The following RBFOX1 variants were observed in gnomAD, a reference collection of about 807,000 sequenced individuals.
RBFOX1 encodes the protein RNA binding fox-1 homolog 1.
RBFOX1 carries 8 observed loss-of-function variants against 57.7 expected under a neutral mutation model. The observed-to-expected ratio is 0.14, with a 90% CI of 0.08 to 0.25. RBFOX1 has a LOEUF of 0.25. Among genes scored for constraint, RBFOX1 ranks in the 10% least tolerant of loss-of-function variants. The pLI is 1.00. For missense variants in RBFOX1, 611 were observed against 548.5 expected, an observed-to-expected ratio of 1.11 and a Z score of -1.14; for synonymous variants, 326 against 222.4, an observed-to-expected ratio of 1.47 and a Z score of -4.15.
intron 3 of RBFOX1, among the ~76,000 whole-genome samples, chr16:7,027,163 A>T (rs2041219471): frequency 6.6e-6 from 1 of 152,194 alleles, no homozygotes; most frequent in Non-Finnish European, 1.5e-5. Flanking sequence ...TCCTTACGAG[A>T]CTGAGTGTTT....
chr16:5,814,532 C>G (rs955870908), intron 3 of RBFOX1, among the ~76,000 whole-genome samples: 1 of 152,218 alleles, frequency 6.6e-6, no homozygotes, highest in African/African-American at 2.4e-5. Flanking sequence ...TGAGGAAATT[C>G]AGGCTCAGAG....
chr16:5,448,390 T>C (rs2068318794), intron 1 of RBFOX1, among the ~76,000 whole-genome samples: 1 of 152,204 alleles, frequency 6.6e-6, no homozygotes. Context: ...TGGGACATTA[T>C]GCCACAAAAT....
intron 5 of RBFOX1, among the ~76,000 whole-genome samples, chr16:7,554,052 C>T (rs774600430): frequency 1.3e-5 from 2 of 152,034 alleles, no homozygotes; most frequent in African/African-American, 2.4e-5. Context: ...GAGGCTGCAG[C>T]GAACTATGAT....
chr16:6,684,375 C>A (rs1431502341), intron 3 of RBFOX1, among the ~76,000 whole-genome samples: 1 of 152,146 alleles, frequency 6.6e-6, no homozygotes, highest in African/African-American at 2.4e-5. Context: ...TCCTGAGCAG[C>A]CATTGAGGGC....
intron 1 of RBFOX1, among the ~76,000 whole-genome samples, chr16:6,031,636 T>G (rs1441264610): frequency 3.9e-5 from 6 of 152,148 alleles, no homozygotes; most frequent in Admixed American, 3.9e-4. Flanking sequence ...CGTGTGTGTA[T>G]GTATGTACAT....
chr16:5,716,210 T>G (rs8054529), intron 3 of RBFOX1, among the ~76,000 whole-genome samples: 1 of 152,018 alleles, frequency 6.6e-6, no homozygotes, highest in African/African-American at 2.4e-5. Flanking sequence ...TTGGTTGGCG[T>G]GAAAGTAATT....
At chr16:5,451,083 A>C (rs1372827256) in intron 1 of RBFOX1, among the ~76,000 whole-genome samples, 1 of 152,232 alleles carries the variant, frequency 6.6e-6, no homozygotes, top group East Asian at 1.9e-4. Flanking sequence ...TATACACTCA[A>C]AATATCCAAC....
At chr16:6,633,536 C>T (rs1026352973) in intron 2 of RBFOX1, among the ~76,000 whole-genome samples, 3 of 152,106 alleles carry the variant, frequency 2.0e-5, no homozygotes, top group Non-Finnish European at 2.9e-5. Context: ...TCAAGTGATC[C>T]CCCCACCTGG....
At chr16:7,365,851 G>A (rs760009361) in intron 4 of RBFOX1, among the ~76,000 whole-genome samples, 46 of 152,292 alleles carry the variant, frequency 3.0e-4, no homozygotes, top group Admixed American at 1.6e-3. Flanking sequence ...GGGTAGCTGG[G>A]ACCCAGGGAA....
intron 1 of RBFOX1, among the ~76,000 whole-genome samples, chr16:5,266,301 G>C (rs1027291150): frequency 5.3e-5 from 8 of 152,078 alleles, no homozygotes; most frequent in Non-Finnish European, 1.2e-4. Flanking sequence ...CTCACTGGAT[G>C]CAGTAACACA....
chr16:5,832,552 A>G (rs934442349), intron 3 of RBFOX1, among the ~76,000 whole-genome samples: 5 of 152,168 alleles, frequency 3.3e-5, no homozygotes, highest in African/African-American at 1.2e-4. Context: ...GGCATGTAGA[A>G]TATAACACAT....
chr16:7,338,712 T>C (rs918926481), intron 4 of RBFOX1, among the ~76,000 whole-genome samples: 1 of 152,164 alleles, frequency 6.6e-6, no homozygotes, highest in African/African-American at 2.4e-5. Context: ...ACAATGCAAA[T>C]TATAGAAACA....
chr16:7,595,490 TG>T (rs2094639220), intron 7 of RBFOX1, 58 bp from the exon 8 acceptor site: 1 of 1,310,810 alleles, frequency 7.6e-7, no homozygotes, highest in Non-Finnish European at 1.1e-6. Flanking sequence ...CATTACCAAG[TG>T]GTCGTTGACT....
At chr16:6,884,446 T>C (rs765663036) in intron 3 of RBFOX1, among the ~76,000 whole-genome samples, 3 of 152,146 alleles carry the variant, frequency 2.0e-5, no homozygotes, top group Non-Finnish European at 4.4e-5. Flanking sequence ...CCTTCAAGGA[T>C]CGTACTGTAT....
intron 1 of RBFOX1, among the ~76,000 whole-genome samples, chr16:5,384,132 T>G (rs1254038533): frequency 6.6e-6 from 1 of 152,166 alleles, no homozygotes; most frequent in Admixed American, 6.5e-5. Context: ...TGGCTTTGAT[T>G]GGGTCATGTG....
rs550311621 is a variant in RBFOX1 at position 5,782,587 on chromosome 16, T to C, written c.319-84716T>C. 3.9e-5 allele frequency among the ~76,000 whole-genome samples: 6 copies of C among 152,326 alleles called. No homozygotes were observed. The South Asian group carries it at 1.0e-3, about 26-fold the overall frequency. Reference sequence around the variant, plus strand: ...CAGTGTCAGGATGGGGGATTTTATATTGATTGCTTACTATGTTAGGGTTCT... The same window carrying C: ...CAGTGTCAGGATGGGGGATTTTATACTGATTGCTTACTATGTTAGGGTTCT... On this transcript the variant is annotated intron_variant, in intron 3 of 19. Transcript: ENST00000641259.
At chr16:7,460,794 A>C (rs2059442848) in intron 4 of RBFOX1, among the ~76,000 whole-genome samples, 1 of 152,130 alleles carries the variant, frequency 6.6e-6, no homozygotes, top group Non-Finnish European at 1.5e-5. Flanking sequence ...AAGAAAAAGA[A>C]ATTATTAGGT....
chr16:5,993,023 G>A (rs531388925), intron 4 of RBFOX1, among the ~76,000 whole-genome samples: 2 of 152,150 alleles, frequency 1.3e-5, no homozygotes, highest in Non-Finnish European at 2.9e-5. Context: ...CCAGGCTGGG[G>A]GACCCTGGGC....
intron 1 of RBFOX1, among the ~76,000 whole-genome samples, chr16:5,426,090 C>T (rs937556034): frequency 6.6e-6 from 1 of 152,094 alleles, no homozygotes; most frequent in East Asian, 1.9e-4. Flanking sequence ...CCTTCCAAAT[C>T]GATTTCACAT....
Sources: gnomAD v4.1 joint callset for allele counts (sites outside exome capture counted in the v4.1 genomes callset) on GRCh38, gnomAD v4.1.1 for gene constraint, MANE v1.5 for transcripts, NCBI Gene and HGNC (gene_info 2026-07-23, HGNC 2026-07-21) for gene names.